The following PDGFC variants were observed in gnomAD, a reference collection of about 807,000 sequenced individuals.
PDGFC encodes platelet derived growth factor C, also known as platelet-derived growth factor C.
PDGFC carries 12 observed loss-of-function variants against 35.5 expected under a neutral mutation model. The observed-to-expected ratio is 0.34, with a 90% CI of 0.22 to 0.55. PDGFC has a LOEUF of 0.55. Among genes scored for constraint, PDGFC ranks in the 20% least tolerant of loss-of-function variants. The pLI, the probability that PDGFC is intolerant of heterozygous loss-of-function variation, is 0.91. For synonymous variants in PDGFC, 159 were observed against 148.8 expected, an observed-to-expected ratio of 1.07 and a Z score of -0.50; for missense variants, 322 against 412.4, an observed-to-expected ratio of 0.78 and a Z score of 1.90.
intron 3 of PDGFC, among the ~76,000 whole-genome samples, chr4:156,774,734 C>G (rs537215630): frequency 6.7e-6 from 1 of 148,378 alleles, no homozygotes; most frequent in South Asian, 2.1e-4. Context: ...GAGAAAAGCA[C>G]AGTGGAATGA....
chr4:156,937,189 G>A (rs1731703874), intron 1 of PDGFC, among the ~76,000 whole-genome samples: 1 of 152,130 alleles, frequency 6.6e-6, no homozygotes, highest in South Asian at 2.1e-4. Context: ...TGAAGAAAAG[G>A]ATATACTAAG....
rs1730401220 is a variant in PDGFC at position 156,887,417 on chromosome 4, A to G, written c.119-37001T>C. On this transcript the variant is annotated intron_variant, in intron 1 of 5. Coordinates refer to ENST00000502773, the MANE Select transcript of PDGFC (RefSeq NM_016205.3). Reference sequence around the variant, plus strand: ...TATTTTTGGGGAGTAAGAACTGGTTATGCATGTTTTCATTAAATATGAAAA... The same window carrying G: ...TATTTTTGGGGAGTAAGAACTGGTTGTGCATGTTTTCATTAAATATGAAAA... Among the ~76,000 whole-genome samples, 3 of 152,174 alleles carry G rather than the reference A, an allele frequency of 2.0e-5. No individual in the cohort carries two copies. In the South Asian group the frequency reaches 6.2e-4, roughly 31 times the overall value.
rs146729552 is a variant in PDGFC, at chr4:156,823,839, A to G, written c.315-12822T>C. 1.3e-3 allele frequency among the ~76,000 whole-genome samples: 200 copies of G among 152,320 alleles called. 4 individuals carry two copies. The highest frequency in any genetic ancestry group is 1.2e-3 in the Admixed American group (18 of 15,300). ...TGATATTAAAGCAACCTAAGTGTCC[A>G]TCAACGAATAAATGGATAAGGAAAG... On this transcript the variant is annotated intron_variant, in intron 2 of 5. Transcript: ENST00000502773.
chr4:156,960,494 TTC>T (rs1010084219), intron 1 of PDGFC, among the ~76,000 whole-genome samples: 6 of 151,378 alleles, frequency 4.0e-5, no homozygotes, highest in African/African-American at 1.5e-4. Flanking sequence ...TATGTGTGTG[TTC>T]TTTTTCATTT....
intron 1 of PDGFC, among the ~76,000 whole-genome samples, chr4:156,894,589 T>A (rs1560861341): frequency 6.6e-6 from 1 of 152,182 alleles, no homozygotes; most frequent in Non-Finnish European, 1.5e-5. Context: ...ACTCAAAAAT[T>A]ATGTATTCAA....
chr4:156,857,702 A>C (rs1347304611), intron 1 of PDGFC, among the ~76,000 whole-genome samples: 3 of 152,132 alleles, frequency 2.0e-5, no homozygotes, highest in Non-Finnish European at 2.9e-5. Context: ...CCTAGCCAGA[A>C]GTATTCCTAG....
chr4:156,909,234 T>A (rs976809271), intron 1 of PDGFC, among the ~76,000 whole-genome samples: 5 of 152,266 alleles, frequency 3.3e-5, no homozygotes, highest in Admixed American at 1.3e-4. Flanking sequence ...ATACTTTAAA[T>A]GGGTAATTTT....
chr4:156,856,259 A>G (rs534602218), intron 1 of PDGFC, among the ~76,000 whole-genome samples: 2 of 152,312 alleles, frequency 1.3e-5, no homozygotes, highest in Non-Finnish European at 2.9e-5. Flanking sequence ...ACAATTATTT[A>G]GAATATGTCC....
intron 1 of PDGFC, chr4:156,876,530 G>A (rs1426149334): frequency 1.3e-5 from 2 of 152,094 alleles, no homozygotes; most frequent in African/African-American, 4.8e-5. Flanking sequence ...AAGTCATAGG[G>A]AAATACACAT....
chr4:156,787,017 T>C (rs1422712976), intron 3 of PDGFC, among the ~76,000 whole-genome samples: 2 of 152,240 alleles, frequency 1.3e-5, no homozygotes, highest in African/African-American at 4.8e-5. Context: ...AAGAGAAGAT[T>C]CTAGGTTACA....
At position 156,912,618 on chromosome 4, in the gene PDGFC, GA is replaced by G. The variant is rs537539502; in HGVS notation, c.118+58167del. 3.4e-3 allele frequency among the ~76,000 whole-genome samples: 525 copies of G among 152,214 alleles called. 4 individuals are homozygous for G. The highest frequency in any genetic ancestry group is 0.012 in the African/African-American group (497 of 41,552). On this transcript the variant is annotated intron_variant, in intron 1 of 5. Transcript: ENST00000502773. The stretch of plus-strand genomic sequence containing the variant: ...AAGTTCTGAAACTGACAGTATTCTA[GA>G]AGTCCACTATGAATTAAGCGGGTTT...
chr4:156,799,989 A>C (rs1450754700), intron 3 of PDGFC, among the ~76,000 whole-genome samples: 2 of 152,286 alleles, frequency 1.3e-5, no homozygotes, highest in African/African-American at 2.4e-5. Context: ...CAGGTGTTTT[A>C]ATAGGAAAAC....
intron 2 of PDGFC, among the ~76,000 whole-genome samples, chr4:156,840,494 G>T (rs1430192584): frequency 6.6e-6 from 1 of 152,238 alleles, no homozygotes; most frequent in Non-Finnish European, 1.5e-5. Context: ...GTCTCCTGCA[G>T]GGGTGGAGCC....
At position 156,971,628 on chromosome 4, in the gene PDGFC, G is replaced by A. The variant is rs1043393569; in HGVS notation, c.-725C>T. ...GCACGGATTCCGGCACCTGGCTTGA[G>A]TTTTCCGCGACCAAAGTTCACCTTG... On this transcript the variant is annotated 5_prime_UTR_variant, in exon 1 of 6. Transcript: ENST00000502773. Among the ~76,000 whole-genome samples the A allele has an allele frequency of 5.3e-5, 8 of 151,764 alleles. No individual in the cohort carries two copies. The highest frequency in any genetic ancestry group is 1.2e-4 in the Non-Finnish European group (8 of 67,906).
intron 2 of PDGFC, among the ~76,000 whole-genome samples, chr4:156,813,792 T>A (rs1732005953): frequency 6.6e-6 from 1 of 152,088 alleles, no homozygotes; most frequent in East Asian, 1.9e-4. Flanking sequence ...TTGTCAACGT[T>A]TTAAAAAATG....
At chr4:156,944,304 T>C (rs1731883922) in intron 1 of PDGFC, among the ~76,000 whole-genome samples, 1 of 152,142 alleles carries the variant, frequency 6.6e-6, no homozygotes, top group African/African-American at 2.4e-5. Context: ...GTCTTAGCTA[T>C]ATTTATCACT....
chr4:156,927,084 A>G (rs1288729650), intron 1 of PDGFC, among the ~76,000 whole-genome samples: 1 of 152,174 alleles, frequency 6.6e-6, no homozygotes, highest in African/African-American at 2.4e-5. Context: ...AGGTTTAGGG[A>G]CTGCACCTTC....
At chr4:156,766,160 A>T (rs190815666) in intron 5 of PDGFC, among the ~76,000 whole-genome samples, 2 of 152,124 alleles carry the variant, frequency 1.3e-5, no homozygotes, top group Admixed American at 1.3e-4. Context: ...TGAAATAGTA[A>T]AAGTTCTCTA....
At chr4:156,815,032 C>T (rs1732042405) in intron 2 of PDGFC, among the ~76,000 whole-genome samples, 1 of 152,064 alleles carries the variant, frequency 6.6e-6, no homozygotes, top group Non-Finnish European at 1.5e-5. Flanking sequence ...AAGTCTAGTG[C>T]ATATATTTAT....
Sources: allele counts gnomAD v4.1 joint callset (sites outside exome capture counted in the v4.1 genomes callset), GRCh38; gene constraint gnomAD v4.1.1; transcripts MANE v1.5; gene names NCBI Gene and HGNC (gene_info 2026-07-23, HGNC 2026-07-21).